Variants in CCDC92B observed in about 807,000 individuals in gnomAD.
CCDC92B encodes coiled-coil domain-containing 92B.
A neutral mutation model predicts 5.6 loss-of-function variants in CCDC92B; 2 were observed. The ratio of observed to expected loss-of-function variants is 0.36; its 90% CI spans 0.15 to 1.12. The LOEUF is 1.12. Ranked by LOEUF, CCDC92B falls within the 50% of genes most tolerant of loss-of-function variation. CCDC92B has a pLI of 0.40. For missense variants in CCDC92B, 271 were observed against 262.2 expected, an observed-to-expected ratio of 1.03 and a Z score of -0.23; for synonymous variants, 115 against 122.3, an observed-to-expected ratio of 0.94 and a Z score of 0.39.
chr17:2,730,277 C>T (rs1454497892), intron 3 of CCDC92B, among the ~76,000 whole-genome samples, 169 bp downstream of exon 3: 1 of 152,152 alleles, frequency 6.6e-6, no homozygotes, highest in East Asian at 1.9e-4. Context: ...TTCACAATGT[C>T]GTCCACTGGG....
chr17:2,746,464 G>C (rs1258598133), intron 1 of CCDC92B, among the ~76,000 whole-genome samples: 2 of 152,152 alleles, frequency 1.3e-5, no homozygotes, highest in Non-Finnish European at 2.9e-5. Flanking sequence ...TGGTGGAGAA[G>C]GCTTCTGTGC....
intron 1 of CCDC92B, among the ~76,000 whole-genome samples, chr17:2,743,410 G>A (rs2070946976): frequency 6.6e-6 from 1 of 152,226 alleles, no homozygotes; most frequent in Non-Finnish European, 1.5e-5. Context: ...CAGCCTGGGT[G>A]ACAGAGCGAG....
intron 3 of CCDC92B, among the ~76,000 whole-genome samples, chr17:2,727,133 C>G (rs1450840869): frequency 6.6e-6 from 1 of 152,214 alleles, no homozygotes; most frequent in Non-Finnish European, 1.5e-5. Flanking sequence ...CCTCCTGCCT[C>G]AGCCTCATAA....
intron 3 of CCDC92B, among the ~76,000 whole-genome samples, chr17:2,726,495 T>C (rs566668428): frequency 2.0e-4 from 31 of 152,022 alleles, no homozygotes; most frequent in African/African-American, 7.0e-4. Flanking sequence ...TTTTGTATTT[T>C]TAGTAGAGAC....
intron 1 of CCDC92B, among the ~76,000 whole-genome samples, chr17:2,737,936 CA>C (rs1460077697): frequency 4.6e-5 from 7 of 151,954 alleles, no homozygotes; most frequent in Non-Finnish European, 1.0e-4. Context: ...CCCCACTTCA[CA>C]AAAAAGGGCT....
intron 1 of CCDC92B, among the ~76,000 whole-genome samples, chr17:2,737,465 CTTTTTTT>C (rs34254249): frequency 1.2e-4 from 7 of 60,310 alleles, no homozygotes; most frequent in Admixed American, 6.6e-4. Context: ...ATAGGCCTTT[CTTTTTTT>C]TTTTTTTTTT....
chr17:2,732,187 C>T (rs2070801213), intron 2 of CCDC92B, among the ~76,000 whole-genome samples: 1 of 152,212 alleles, frequency 6.6e-6, no homozygotes, highest in African/African-American at 2.4e-5. Flanking sequence ...CTCTCAAGCC[C>T]TTCATTCTGA....
intron 2 of CCDC92B, among the ~76,000 whole-genome samples, chr17:2,733,883 C>T (rs1342615967): frequency 6.7e-6 from 1 of 150,310 alleles, no homozygotes; most frequent in Admixed American, 6.7e-5. Flanking sequence ...CTCAGCCTTC[C>T]GAGTAGCTGG....
chr17:2,736,276 A>C (rs575497369), intron 1 of CCDC92B, among the ~76,000 whole-genome samples: 2 of 152,054 alleles, frequency 1.3e-5, no homozygotes, highest in South Asian at 4.1e-4. Context: ...AAAATACAAA[A>C]ATTAGCCAGG....
intron 1 of CCDC92B, among the ~76,000 whole-genome samples, chr17:2,749,135 G>A (rs1332579033): frequency 6.6e-6 from 1 of 152,218 alleles, no homozygotes; most frequent in African/African-American, 2.4e-5. Flanking sequence ...AGAGAGGAGG[G>A]CAAAGGCAGC....
intron 1 of CCDC92B, among the ~76,000 whole-genome samples, chr17:2,740,374 C>A (rs995486774): frequency 1.3e-5 from 2 of 151,946 alleles, no homozygotes; most frequent in South Asian, 4.1e-4. Flanking sequence ...TTAGGCAAAA[C>A]CCTGAGGCTG....
Position 2,724,810 on chromosome 17 carries a change from G to T in CCDC92B, c.369C>A (p.Ala123=). 1 of 984,970 alleles carries T rather than the reference G, an allele frequency of 1.0e-6. No individual in the cohort carries two copies. Among genetic ancestry groups the T allele is most frequent in the Non-Finnish European group, 1.2e-6 (1 of 829,804 alleles). The allele number at this position is 984,970 out of a possible 1,614,324, so 61.0% of individuals were successfully genotyped here. A position where few individuals can be genotyped will look rare whatever the true frequency, so the allele number is the denominator to read the frequency against. The part of the protein sequence containing the change: ...LEELRRRSHR[A]TVLGTELQKH... ...TCTGCAGCTCGGTGCCCAGCACGGT[G>T]GCGCGGTGGCTGCGGCGGCGCAGCT... The change falls in exon 4 of 4, where the codon GCC becomes GCA. Residue 123 remains alanine, a synonymous_variant. Transcript: ENST00000614400. The surrounding 1 kb of genome is among the most constrained non-coding windows in gnomAD (Gnocchi z 5.0).
rs926609847 is a variant in CCDC92B, at chr17:2,749,502, C to T, written c.-115G>A. On this transcript the variant is annotated 5_prime_UTR_variant, in exon 1 of 4. Transcript: ENST00000614400. ...CTCTTCCCCCCACGCTAGCTGCGCC[C>T]GGGGATCTGCAGCGCCCGCCCCGGC... is the stretch of plus-strand genomic sequence containing the variant. 6 of 150,358 alleles carry T rather than the reference C, an allele frequency of 4.0e-5. No individual in the cohort carries two copies. Among genetic ancestry groups the T allele is most frequent in the African/African-American group, 1.2e-4 (5 of 40,844 alleles). 9.3% of individuals were successfully genotyped at this position (150,358 alleles called of 1,614,324 possible).
In CCDC92B at chr17:2,729,648, GA is replaced by G. The variant is rs999423704; in HGVS notation, c.178+797del. 1.4e-4 allele frequency among the ~76,000 whole-genome samples: 22 copies of G among 152,174 alleles called. No individual in the cohort carries two copies. The Middle Eastern group carries it at 0.01, about 71-fold the overall frequency. On this transcript the variant is annotated intron_variant, in intron 3 of 3. Transcript: ENST00000614400. ...TGCAATTAAAAAATTAATTGTGGGGGAAAAAATGACAAAATTTAGCATCTTA... is the reference window on the plus strand; with the variant it reads ...TGCAATTAAAAAATTAATTGTGGGGGAAAAATGACAAAATTTAGCATCTTA...
At chr17:2,737,265 C>G (rs1260057791) in intron 1 of CCDC92B, among the ~76,000 whole-genome samples, 1 of 152,014 alleles carries the variant, frequency 6.6e-6, no homozygotes, top group Non-Finnish European at 1.5e-5. Context: ...AGAGACAGGC[C>G]AGTAAGATGA....
chr17:2,726,358 A>G (rs1292845418), intron 3 of CCDC92B, among the ~76,000 whole-genome samples: 3 of 135,404 alleles, frequency 2.2e-5, no homozygotes, highest in African/African-American at 8.0e-5. Context: ...TTTTTTTTGT[A>G]TTTTTAGTAG....
chr17:2,724,866 G>C lies in CCDC92B; in HGVS notation c.313C>G (p.Leu105Val). Residue 105 changes from leucine to valine, a missense_variant, in exon 4 of 4, where the codon CTG becomes GTG. Coordinates refer to ENST00000614400, the MANE Select transcript of CCDC92B (RefSeq NM_001355573.2). This position sits in a 1 kb window ranked among gnomAD's most constrained non-coding sequence, Gnocchi z 5.0. ...EALVSALRCS[L>V]RTEERRFLEE... ...AGGAAGCGGCGCTCCTCGGTGCGCA[G>C]GCTGCAGCGCAGCGCGGACACCAGC... 2.0e-6 allele frequency: 2 copies of C among 985,178 alleles called. No homozygotes were observed. Among genetic ancestry groups the C allele is most frequent in the African/African-American group, 3.5e-5 (2 of 57,336 alleles). 61.0% of individuals were successfully genotyped at this position (985,178 alleles called of 1,614,324 possible).
rs2070686078 is a variant in CCDC92B, at chr17:2,723,732, AC to A, written c.*678del. ...AGAGCTGAGCTGGAGACGGCTCTAG[AC>A]CAAGTCCGGCCAACCAGGCGGTTCT... On this transcript the variant is annotated 3_prime_UTR_variant, in exon 4 of 4. Coordinates refer to ENST00000614400, the MANE Select transcript of CCDC92B (RefSeq NM_001355573.2). 6.4e-6 allele frequency: 1 copy of A among 157,178 alleles called. No individual in the cohort carries two copies. Among genetic ancestry groups the A allele is most frequent in the African/African-American group, 2.4e-5 (1 of 41,456 alleles). 9.7% of individuals were successfully genotyped at this position (157,178 alleles called of 1,614,324 possible). A position where few individuals can be genotyped will look rare whatever the true frequency, so the allele number is the denominator to read the frequency against.
intron 1 of CCDC92B, among the ~76,000 whole-genome samples, chr17:2,742,716 C>T (rs778034408): frequency 6.6e-6 from 1 of 152,174 alleles, no homozygotes; most frequent in Non-Finnish European, 1.5e-5. Context: ...TCTTCCCTGG[C>T]TGCTAGACTG....
Sources: gnomAD v4.1 joint callset for allele counts (sites outside exome capture counted in the v4.1 genomes callset) on GRCh38, gnomAD v4.1.1 for gene constraint, Gnocchi (gnomAD v3.1) non-coding constraint, MANE v1.5 for transcripts, NCBI Gene and HGNC (gene_info 2026-07-23, HGNC 2026-07-21) for gene names.